MAST4: variants seen among roughly 807,000 people sequenced by gnomAD.
MAST4 encodes the protein microtubule-associated serine/threonine-protein kinase 4.
Under a neutral mutation model 162.7 loss-of-function variants are expected in MAST4, and 89 were observed. That is an observed-to-expected ratio of 0.55 (90% CI 0.46 to 0.65). The LOEUF (loss-of-function observed/expected upper bound fraction) is 0.65. Ranked by LOEUF, MAST4 falls within the 30% of genes least tolerant of loss-of-function variation. The pLI, the probability that MAST4 is intolerant of heterozygous loss-of-function variation, is 0.00. For missense variants in MAST4, 3,153 were observed against 3,374.0 expected, an observed-to-expected ratio of 0.93 and a Z score of 1.62; for synonymous variants, 1,479 against 1,361.1, an observed-to-expected ratio of 1.09 and a Z score of -1.91.
intron 5 of MAST4, among the ~76,000 whole-genome samples, chr5:67,084,942 C>G (rs1474105173): frequency 6.6e-6 from 1 of 152,122 alleles, no homozygotes; most frequent in Non-Finnish European, 1.5e-5. Flanking sequence ...TTTAGGTAGT[C>G]TAAATGTTAC....
intron 2 of MAST4, among the ~76,000 whole-genome samples, chr5:66,771,544 C>T (rs1754359641): frequency 6.6e-6 from 1 of 152,118 alleles, no homozygotes; most frequent in African/African-American, 2.4e-5. Context: ...AATGAAGAAA[C>T]TTAAACCAAA....
chr5:66,782,018 G>A (rs1211018047), intron 2 of MAST4, among the ~76,000 whole-genome samples: 1 of 152,136 alleles, frequency 6.6e-6, no homozygotes, highest in Non-Finnish European at 1.5e-5. Context: ...GGGCACAGTG[G>A]CTCACACCTG....
chr5:66,888,975 C>T (rs26926), intron 3 of MAST4, among the ~76,000 whole-genome samples: 127,312 of 152,244 alleles, frequency 0.84, 54,075 homozygotes, highest in Non-Finnish European at 0.92. Context: ...GCCACTGTTC[C>T]GTTGAAGAAT....
intron 1 of MAST4, among the ~76,000 whole-genome samples, chr5:66,686,926 TA>T (rs1349173931): frequency 1.3e-5 from 2 of 152,298 alleles, no homozygotes; most frequent in East Asian, 1.9e-4. Flanking sequence ...TTTAGCTAAT[TA>T]AAAAAATTTA....
At chr5:67,068,794 A>G (rs1242040544) in intron 5 of MAST4, among the ~76,000 whole-genome samples, 6 of 152,138 alleles carry the variant, frequency 3.9e-5, no homozygotes, top group Non-Finnish European at 2.9e-5. Flanking sequence ...GGAATGAACT[A>G]TATTGCTGTG....
chr5:67,030,601 G>A (rs1755191417), intron 4 of MAST4, among the ~76,000 whole-genome samples: 2 of 152,154 alleles, frequency 1.3e-5, no homozygotes, highest in Non-Finnish European at 2.9e-5. Context: ...AATAAGATCT[G>A]TTTTGTATTA....
intron 24 of MAST4, among the ~76,000 whole-genome samples, chr5:67,150,163 G>C (rs1327160231): frequency 6.6e-6 from 1 of 152,156 alleles, no homozygotes; most frequent in Non-Finnish European, 1.5e-5. Context: ...TTGGAAAACT[G>C]GGCTTAATTA....
At chr5:66,676,003 T>C (rs1747921994) in intron 1 of MAST4, among the ~76,000 whole-genome samples, 1 of 152,156 alleles carries the variant, frequency 6.6e-6, no homozygotes, top group African/African-American at 2.4e-5. Flanking sequence ...CATCACAAGG[T>C]AGAGATTTGC....
chr5:66,923,217 TG>T (rs780018692), intron 4 of MAST4, among the ~76,000 whole-genome samples: 13 of 152,164 alleles, frequency 8.5e-5, no homozygotes, highest in Non-Finnish European at 1.6e-4. Context: ...CTTGTATTAA[TG>T]TCTGCAAAGC....
intron 3 of MAST4, among the ~76,000 whole-genome samples, chr5:66,855,108 G>T (rs1759580467): frequency 6.6e-6 from 1 of 152,168 alleles, no homozygotes; most frequent in Non-Finnish European, 1.5e-5. Flanking sequence ...ACGTTGAAAT[G>T]TAATCCCCAG....
At position 66,759,114 on chromosome 5, in the gene MAST4, A is replaced by C. The variant is rs1159755; in HGVS notation, c.364-595A>C. 6.8e-3 allele frequency among the ~76,000 whole-genome samples: 1,041 copies of C among 152,314 alleles called. 8 individuals are homozygous for C. The highest frequency in any genetic ancestry group is 0.023 in the African/African-American group (962 of 41,552). On this transcript the variant is annotated intron_variant, in intron 1 of 28. Coordinates refer to ENST00000403625, the MANE Select transcript of MAST4 (RefSeq NM_001164664.2). ...GTGACAGGTTTTCTTTTAAAAAGCT[A>C]TAAAGTGACGTAGGGATGTATTGAT...
chr5:66,812,766 T>A (rs566723382), intron 3 of MAST4, among the ~76,000 whole-genome samples: 51 of 152,292 alleles, frequency 3.3e-4, no homozygotes, highest in African/African-American at 1.2e-3. Flanking sequence ...TGCGGGGCGC[T>A]GTCAGTGGGT....
chr5:66,826,407 G>A (rs1757258349), intron 3 of MAST4, among the ~76,000 whole-genome samples: 1 of 151,988 alleles, frequency 6.6e-6, no homozygotes, highest in South Asian at 2.1e-4. Context: ...AACACCTCGA[G>A]CTGCAGAGTG....
chr5:66,910,414 ATTG>A (rs1350295561), intron 4 of MAST4, among the ~76,000 whole-genome samples: 3 of 152,116 alleles, frequency 2.0e-5, no homozygotes, highest in South Asian at 4.1e-4. Context: ...TGAATTCTGT[ATTG>A]TTCTCTCTTT....
chr5:66,908,398 C>CT (rs1308484863), intron 4 of MAST4, among the ~76,000 whole-genome samples: 9 of 152,058 alleles, frequency 5.9e-5, no homozygotes, highest in African/African-American at 2.2e-4. Context: ...GCCAAACACC[C>CT]TTGGGAATGC....
Position 66,642,774 on chromosome 5 carries a change from T to C in MAST4, c.363+45756T>C, listed in dbSNP as rs185091982. ...AGACTATTCAAACAAAATTGGTGGC[T>C]GAGCATTTTGTCAAATATTGGTTCT... On this transcript the variant is annotated intron_variant, in intron 1 of 28. Transcript: ENST00000403625. Among the ~76,000 whole-genome samples the C allele has an allele frequency of 3.3e-3, 509 of 152,346 alleles. 3 individuals carry two copies. Among genetic ancestry groups the C allele is most frequent in the African/African-American group, 0.011 (476 of 41,582 alleles).
intron 3 of MAST4, among the ~76,000 whole-genome samples, chr5:66,867,259 T>C (rs1375451446): frequency 6.6e-6 from 1 of 152,222 alleles, no homozygotes; most frequent in African/African-American, 2.4e-5. Flanking sequence ...CAATAACTTA[T>C]ACCTGATTTA....
chr5:66,789,864 GA>G (rs1663543811), intron 3 of MAST4: 1 of 453,636 alleles, frequency 2.2e-6, no homozygotes, highest in Admixed American at 2.4e-5. Context: ...TTCTATGTTT[GA>G]AAATGGTGAT....
intron 1 of MAST4, among the ~76,000 whole-genome samples, chr5:66,674,255 G>A (rs1747810078): frequency 6.6e-6 from 1 of 152,102 alleles, no homozygotes; most frequent in African/African-American, 2.4e-5. Context: ...TTTTTTTGGG[G>A]AGGAAAAAGG....
Sources: allele counts gnomAD v4.1 joint callset (sites outside exome capture counted in the v4.1 genomes callset), GRCh38; gene constraint gnomAD v4.1.1; transcripts MANE v1.5; gene names NCBI Gene and HGNC (gene_info 2026-07-23, HGNC 2026-07-21).